RGS12: variants seen among roughly 807,000 people sequenced by gnomAD.
The protein encoded by RGS12 is regulator of G-protein signaling 12.
Under a neutral mutation model 120.1 loss-of-function variants are expected in RGS12, and 66 were observed. The ratio of observed to expected loss-of-function variants is 0.55; its 90% CI spans 0.45 to 0.67. RGS12 has a LOEUF of 0.67. Ranked by LOEUF, RGS12 falls within the 30% of genes least tolerant of loss-of-function variation. RGS12 has a pLI of 0.00. For synonymous variants in RGS12, 827 were observed against 804.7 expected, an observed-to-expected ratio of 1.03 and a Z score of -0.47; for missense variants, 1,859 against 1,957.7, an observed-to-expected ratio of 0.95 and a Z score of 0.95.
At chr4:3,402,351 T>G (rs1720680354) in intron 4 of RGS12, among the ~76,000 whole-genome samples, 2 of 152,174 alleles carry the variant, frequency 1.3e-5, no homozygotes, top group African/African-American at 4.8e-5. Context: ...TCTTTTTGGC[T>G]TATGGGGTGG....
chr4:3,316,039 T>G, intron 1 of RGS12, 31 bp from the exon 2 acceptor site: 1 of 846,552 alleles, frequency 1.2e-6, no homozygotes, highest in Non-Finnish European at 1.8e-6. Context: ...ATGGGCTCTT[T>G]AATAATGAGC....
At chr4:3,425,383 A>C (rs1367113757) in intron 13 of RGS12, 81 bp from the exon 14 acceptor site, 1 of 1,241,342 alleles carries the variant, frequency 8.1e-7, no homozygotes, top group Non-Finnish European at 1.2e-6. Flanking sequence ...TAGGACAGTC[A>C]TGCAGTCGGG....
chr4:3,421,206 G>T (rs1722986927), intron 10 of RGS12, among the ~76,000 whole-genome samples: 1 of 152,140 alleles, frequency 6.6e-6, no homozygotes, highest in South Asian at 2.1e-4. Flanking sequence ...GCTCGTCCTG[G>T]CCCCAGTTTC....
chr4:3,423,186 C>G (rs147001494), intron 12 of RGS12, among the ~76,000 whole-genome samples: 1 of 152,182 alleles, frequency 6.6e-6, no homozygotes, highest in Non-Finnish European at 1.5e-5. Flanking sequence ...CTCCCTGTCC[C>G]GTGAACAGGG....
Position 3,317,972 on chromosome 4 carries a change from A to G in RGS12, c.1802A>G (p.Glu601Gly). 1 of 1,612,794 alleles carries G rather than the reference A, an allele frequency of 6.2e-7. No homozygotes were observed. The highest frequency in any genetic ancestry group is 8.5e-7 in the Non-Finnish European group (1 of 1,179,404). Residue 601 changes from glutamate (E) to glycine (G), a missense_variant, in exon 2 of 18, where the codon GAG becomes GGG. Physicochemically the swap from Glu to Gly is moderately conservative, Grantham distance 98. Coordinates refer to ENST00000336727, the MANE Select transcript of RGS12 (RefSeq NM_001394154.1). ...CCCCCGCTGAATGCCCCGAAGAGGGAGTGGTCCAGGAAGGCCTTTGGAATG... is the reference window on the plus strand; with the variant it reads ...CCCCCGCTGAATGCCCCGAAGAGGGGGTGGTCCAGGAAGGCCTTTGGAATG... ...AQPPLNAPKR[E>G]WSRKAFGMQS...
intron 1 of RGS12, among the ~76,000 whole-genome samples, chr4:3,305,150 T>G (rs1723903528): frequency 1.3e-5 from 2 of 152,238 alleles, no homozygotes; most frequent in Non-Finnish European, 2.9e-5. Flanking sequence ...GTGACTTCCC[T>G]GAGAGGGAGT....
chr4:3,395,207 T>TAAAAAAAAAAAA (rs572783032), intron 4 of RGS12, among the ~76,000 whole-genome samples: 1 of 135,576 alleles, frequency 7.4e-6, no homozygotes. Context: ...AGAGTCCATC[T>TAAAAAAAAAAAA]AAAAAAAAAA....
intron 3 of RGS12, among the ~76,000 whole-genome samples, chr4:3,371,492 A>G (rs1374734755): frequency 1.3e-5 from 2 of 152,236 alleles, no homozygotes; most frequent in African/African-American, 4.8e-5. Flanking sequence ...GAGTAAAGTC[A>G]TTAAAAACCT....
At chr4:3,370,685 T>C (rs1477388306) in intron 3 of RGS12, among the ~76,000 whole-genome samples, 1 of 152,262 alleles carries the variant, frequency 6.6e-6, no homozygotes, top group East Asian at 1.9e-4. Flanking sequence ...GAAATATTAA[T>C]TTTAGGCTAG....
intron 17 of RGS12, among the ~76,000 whole-genome samples, chr4:3,436,870 C>T (rs1724856669): frequency 6.6e-6 from 1 of 152,188 alleles, no homozygotes; most frequent in Admixed American, 6.5e-5. Flanking sequence ...GCAGGACCAG[C>T]CAGCCGAGGG....
intron 12 of RGS12, among the ~76,000 whole-genome samples, chr4:3,423,271 T>G (rs1338685880): frequency 6.6e-6 from 1 of 152,208 alleles, no homozygotes; most frequent in Non-Finnish European, 1.5e-5. Flanking sequence ...GTAGGGTGGA[T>G]GCCCCACAGG....
intron 4 of RGS12, chr4:3,412,985 G>A (rs954753837): frequency 6.7e-6 from 1 of 148,470 alleles, no homozygotes; most frequent in Admixed American, 6.7e-5. Flanking sequence ...CAGGAGGGAC[G>A]GGGGCGCCCC....
intron 4 of RGS12, among the ~76,000 whole-genome samples, chr4:3,388,063 G>A (rs1053989928): frequency 1.3e-5 from 2 of 152,116 alleles, no homozygotes; most frequent in Non-Finnish European, 2.9e-5. Flanking sequence ...GTCCCTCTGA[G>A]GAAGTGTATC....
intron 2 of RGS12, among the ~76,000 whole-genome samples, chr4:3,331,134 G>A (rs1319547651): frequency 6.6e-6 from 1 of 152,184 alleles, no homozygotes; most frequent in Non-Finnish European, 1.5e-5. Context: ...AGGGCATATC[G>A]AGTGGAAAAT....
intron 1 of RGS12, among the ~76,000 whole-genome samples, chr4:3,304,714 G>C (rs551092630): frequency 6.6e-6 from 1 of 152,326 alleles, no homozygotes; most frequent in South Asian, 2.1e-4. Flanking sequence ...TCCTCACAGA[G>C]TAGATTTCAG....
intron 1 of RGS12, among the ~76,000 whole-genome samples, chr4:3,306,335 C>T (rs1031408115): frequency 7.9e-5 from 12 of 152,070 alleles, no homozygotes; most frequent in Admixed American, 2.6e-4. Flanking sequence ...GCAGGAGGTG[C>T]GATGACGATG....
intron 1 of RGS12, among the ~76,000 whole-genome samples, chr4:3,295,512 T>G (rs1235599115): frequency 1.3e-5 from 2 of 151,114 alleles, no homozygotes; most frequent in African/African-American, 4.9e-5. Context: ...AATACAAAAT[T>G]ATTCGGGTGT....
intron 7 of RGS12, 100 bp downstream of exon 7, chr4:3,416,221 C>A: frequency 7.3e-7 from 1 of 1,367,522 alleles, no homozygotes; most frequent in Non-Finnish European, 1.0e-6. Flanking sequence ...GCCAGTGGAT[C>A]GAGAGCATCA....
intron 3 of RGS12, among the ~76,000 whole-genome samples, chr4:3,367,667 C>CG (rs1468378866): frequency 6.6e-6 from 1 of 152,204 alleles, no homozygotes; most frequent in African/African-American, 2.4e-5. Flanking sequence ...GGCCCTCAGG[C>CG]GGTCACAGGA....
Sources: gnomAD v4.1 joint callset for allele counts (sites outside exome capture counted in the v4.1 genomes callset) on GRCh38, gnomAD v4.1.1 for gene constraint, MANE v1.5 for transcripts, NCBI Gene and HGNC (gene_info 2026-07-23, HGNC 2026-07-21) for gene names.